The following C2orf49 variants were observed in gnomAD, a reference collection of about 807,000 sequenced individuals.
C2orf49 encodes the protein tRNA-splicing ligase complex subunit ASW.
In C2orf49, 11 loss-of-function variants were observed where a neutral mutation model predicts 20.6. The ratio of observed to expected loss-of-function variants is 0.53; its 90% CI spans 0.34 to 0.88. The LOEUF (loss-of-function observed/expected upper bound fraction) is 0.88. C2orf49 is among the 40% of genes least tolerant of loss of function. The pLI is 0.02. For missense variants in C2orf49, 289 were observed against 274.2 expected (o/e 1.05, Z -0.38); for synonymous variants, 134 against 108.5 (o/e 1.24, Z -1.46).
At chr2:105,341,813 G>A (rs1679677472) in intron 2 of C2orf49, among the ~76,000 whole-genome samples, 1 of 152,204 alleles carries the variant, frequency 6.6e-6, no homozygotes, top group African/African-American at 2.4e-5. Flanking sequence ...ATCACACTTT[G>A]AGTGGCAGGG....
the C2orf49 span, among the ~76,000 whole-genome samples, chr2:105,361,997 G>A: frequency 6.6e-6 from 1 of 152,176 alleles, no homozygotes; most frequent in Non-Finnish European, 1.5e-5. Context: ...ACATTGGTCC[G>A]TGATTATAAT....
At chr2:105,380,761 G>A in the C2orf49 span, among the ~76,000 whole-genome samples, 3 of 151,900 alleles carry the variant, frequency 2.0e-5, no homozygotes, top group African/African-American at 7.3e-5. Flanking sequence ...AATTCCTCTA[G>A]AGAGAAATTG....
chr2:105,366,563 A>T, the C2orf49 span, among the ~76,000 whole-genome samples: 1 of 152,128 alleles, frequency 6.6e-6, no homozygotes, highest in African/African-American at 2.4e-5. Context: ...GCATAATAAG[A>T]ATTGCGTGTG....
intron 2 of C2orf49, among the ~76,000 whole-genome samples, chr2:105,340,931 C>A (rs1679649087): frequency 6.6e-6 from 1 of 152,144 alleles, no homozygotes; most frequent in Non-Finnish European, 1.5e-5. Flanking sequence ...GAGTTTTAAT[C>A]TCTGTTTTAC....
Position 105,339,680 on chromosome 2 carries a change from C to G in C2orf49, c.197C>G (p.Pro66Arg). Residue 66 changes from proline to arginine, a missense_variant, in exon 2 of 4, where the codon CCG becomes CGG. Physicochemically the swap from Pro to Arg is moderately radical, Grantham distance 103 (BLOSUM62 -2). Coordinates refer to ENST00000258457, the MANE Select transcript of C2orf49 (RefSeq NM_024093.3). Reference sequence around the variant, plus strand: ...ATACCATTGCCTCAGAGGGATTTGCCGAAGAATAGATGGGGGAAAATGATG... The same window carrying G: ...ATACCATTGCCTCAGAGGGATTTGCGGAAGAATAGATGGGGGAAAATGATG... ...HAIPLPQRDL[P>R]KNRWGKMMEK... The G allele has an allele frequency of 1.2e-6, 2 of 1,605,376 alleles. No homozygotes were observed. Among genetic ancestry groups the G allele is most frequent in the Non-Finnish European group, 1.7e-6 (2 of 1,177,608 alleles).
the C2orf49 span, among the ~76,000 whole-genome samples, chr2:105,369,977 G>A: frequency 6.6e-6 from 1 of 152,220 alleles, no homozygotes; most frequent in Non-Finnish European, 1.5e-5. Context: ...ATACCGGCAG[G>A]TGGCAGGAGC....
chr2:105,379,835 T>C, the C2orf49 span, among the ~76,000 whole-genome samples: 1,861 of 152,356 alleles, frequency 0.012, 31 homozygotes, highest in African/African-American at 0.042. Context: ...TCATCTGTTC[T>C]GCAAAGCTTC....
the C2orf49 span, among the ~76,000 whole-genome samples, chr2:105,368,998 C>T: frequency 2.0e-5 from 3 of 152,176 alleles, no homozygotes; most frequent in African/African-American, 7.2e-5. Context: ...TTAAGCTAGA[C>T]GGCCGAGTAG....
intron 3 of C2orf49, 151 bp from the exon 4 acceptor site, chr2:105,345,164 A>C: frequency 1.5e-6 from 1 of 673,266 alleles, no homozygotes; most frequent in Non-Finnish European, 2.5e-6. Context: ...TAGAGAACTC[A>C]CCCCTGTTTC....
chr2:105,343,162 C>G lies in C2orf49; in HGVS notation c.581C>G (p.Pro194Arg), dbSNP rs1250461080. The G allele has an allele frequency of 1.2e-6, 2 of 1,613,850 alleles. No homozygotes were observed. The highest frequency in any genetic ancestry group is 2.2e-5 in the East Asian group (1 of 44,884). Residue 194 changes from proline to arginine, a missense_variant, in exon 3 of 4, where the codon CCT (proline) becomes CGT (arginine). Coordinates refer to ENST00000258457, the MANE Select transcript of C2orf49 (RefSeq NM_024093.3). ...SGPVKSPPLS[P>R]VGTTPVKLKR... is the part of the protein sequence containing the mutation. ...CCTGTGAAGTCGCCACCATTGTCCC[C>G]TGTTGGAACTACTCCAGTGAAGTTA... is the stretch of plus-strand genomic sequence containing the variant.
chr2:105,367,750 G>A, the C2orf49 span: 5 of 1,611,744 alleles, frequency 3.1e-6, no homozygotes, highest in African/African-American at 1.3e-5. Context: ...CTGTCATCAG[G>A]GTCAAGAGGA....
the C2orf49 span, chr2:105,363,245 T>G: frequency 6.2e-7 from 1 of 1,605,266 alleles, no homozygotes; most frequent in Non-Finnish European, 8.5e-7. Context: ...TTGTTCAAGC[T>G]TCCAATCGCC....
intron 3 of C2orf49, among the ~76,000 whole-genome samples, chr2:105,345,096 G>A (rs987952892): frequency 1.3e-5 from 2 of 152,136 alleles, no homozygotes; most frequent in African/African-American, 4.8e-5. Flanking sequence ...CAGGCCTGGG[G>A]CATGTTTTTA....
chr2:105,337,721 G>GCCGCCCCCCCCCCCCCCCCC, intron 1 of C2orf49, 35 bp downstream of exon 1: 1 of 26,800 alleles, frequency 3.7e-5, no homozygotes, highest in Non-Finnish European at 6.6e-5. Flanking sequence ...GGGCGGGTGG[G>GCCGCCCCCCCCCCCCCCCCC]CCTTCCCAGG....
downstream of C2orf49, among the ~76,000 whole-genome samples, chr2:105,352,240 T>G (rs1022219773): frequency 2.6e-5 from 4 of 152,172 alleles, no homozygotes; most frequent in African/African-American, 9.7e-5. Context: ...TAAGATAGTT[T>G]CACAGTTTTG....
intron 2 of C2orf49, among the ~76,000 whole-genome samples, chr2:105,342,050 G>T (rs1679684835): frequency 1.3e-5 from 2 of 152,156 alleles, no homozygotes; most frequent in Non-Finnish European, 2.9e-5. Context: ...GCATGCACCT[G>T]TATCCCAGCT....
At chr2:105,361,909 A>AG in the C2orf49 span, among the ~76,000 whole-genome samples, 1,169 of 152,280 alleles carry the variant, frequency 7.7e-3, 6 homozygotes, top group Admixed American at 0.014. Flanking sequence ...GGTGGGAATG[A>AG]GGGGAGAGGG....
chr2:105,374,850 T>C, the C2orf49 span, among the ~76,000 whole-genome samples: 1 of 152,192 alleles, frequency 6.6e-6, no homozygotes, highest in African/African-American at 2.4e-5. Flanking sequence ...CAAATCATCA[T>C]CCATTTATAC....
chr2:105,373,451 G>T, the C2orf49 span: 1 of 1,217,620 alleles, frequency 8.2e-7, no homozygotes, highest in Non-Finnish European at 1.2e-6. Context: ...AAACTGGAAA[G>T]TCAACACGAG....
Sources: gnomAD v4.1 joint callset for allele counts (sites outside exome capture counted in the v4.1 genomes callset) on GRCh38, gnomAD v4.1.1 for gene constraint, MANE v1.5 for transcripts, NCBI Gene and HGNC (gene_info 2026-07-23, HGNC 2026-07-21) for gene names.